LDAH: variants seen among roughly 807,000 people sequenced by gnomAD.
LDAH encodes lipid droplet associated hydrolase.
LDAH carries 26 observed loss-of-function variants against 29.6 expected under a neutral mutation model. The ratio of observed to expected loss-of-function variants is 0.88; its 90% confidence interval spans 0.64 to 1.22. The LOEUF is 1.22. Ranked by LOEUF, LDAH falls within the 50% of genes most tolerant of loss-of-function variation. The pLI, the probability that LDAH is intolerant of heterozygous loss-of-function variation, is 0.00. For synonymous variants in LDAH, 117 were observed against 133.0 expected, an observed-to-expected ratio of 0.88 and a Z score of 0.83; for missense variants, 344 against 387.3, an observed-to-expected ratio of 0.89 and a Z score of 0.94.
Position 20,685,038 on chromosome 2 carries a change from A to C in LDAH, c.*1865T>G. ...CCCTCTCTTGCCCAACACAGAGATC[A>C]GGCCAGACCAGGTCAGAAATGCTGG... On this transcript the variant is annotated 3_prime_UTR_variant, in exon 7 of 7. Transcript: ENST00000237822. The C allele has an allele frequency of 1.6e-6, 2 of 1,266,692 alleles. No homozygotes were observed. Among genetic ancestry groups the C allele is most frequent in the Non-Finnish European group, 2.1e-6 (2 of 948,312 alleles). The allele number at this position is 1,266,692 out of a possible 1,614,324, so 78.5% of individuals were successfully genotyped here.
chr2:20,755,292 TAA>T lies in LDAH; in HGVS notation c.469-15089_469-15088del, dbSNP rs1668267008. The stretch of plus-strand genomic sequence containing the variant: ...CTCTAAGTTTGAAATTATTTCCAAA[TAA>T]AAAGTTTTAAAAATCACTTGCAGTC... On this transcript the variant is annotated intron_variant, in intron 4 of 6. Coordinates refer to ENST00000237822, the MANE Select transcript of LDAH (RefSeq NM_021925.4). Among the ~76,000 whole-genome samples the T allele has an allele frequency of 2.0e-5, 3 of 152,096 alleles. No homozygotes were observed. The South Asian group carries it at 6.2e-4, about 32-fold the overall frequency.
Position 20,739,655 on chromosome 2 carries a change from G to A in LDAH, c.703+316C>T, listed in dbSNP as rs917743480. ...GTAAAGTACTCCCACTAAGCTAACA[G>A]GCACACCAAGGATTCCTGTAGGGAC... On this transcript the variant is annotated intron_variant, in intron 5 of 6. Transcript: ENST00000237822. 6.6e-5 allele frequency among the ~76,000 whole-genome samples: 10 copies of A among 152,264 alleles called. 1 individual carries two copies. The highest frequency in any genetic ancestry group is 2.4e-4 in the African/African-American group (10 of 41,540).
At position 20,684,845 on chromosome 2, in the gene LDAH, C is replaced by T. The variant is rs1212694883; in HGVS notation, c.*2058G>A. 1.3e-6 allele frequency: 2 copies of T among 1,538,074 alleles called. No homozygotes were observed. The highest frequency in any genetic ancestry group is 1.8e-6 in the Non-Finnish European group (2 of 1,141,280). On this transcript the variant is annotated 3_prime_UTR_variant, in exon 7 of 7. Transcript: ENST00000237822. ...AGAGCTGCTTCTGGAAAATGGATTT[C>T]TTCCACTGTTTGTCCATTTTAGTCT...
intron 1 of LDAH, among the ~76,000 whole-genome samples, chr2:20,819,159 G>C (rs544279477): frequency 1.3e-5 from 2 of 152,156 alleles, no homozygotes; most frequent in African/African-American, 4.8e-5. Context: ...AAGGCAATTT[G>C]TTTTGCACAA....
At chr2:20,728,912 T>C (rs951735892) in intron 5 of LDAH, among the ~76,000 whole-genome samples, 1 of 152,234 alleles carries the variant, frequency 6.6e-6, no homozygotes, top group African/African-American at 2.4e-5. Flanking sequence ...AAGGAAAGGA[T>C]GTAAGAAATA....
chr2:20,711,361 G>C (rs929774136), intron 5 of LDAH, among the ~76,000 whole-genome samples: 2 of 151,414 alleles, frequency 1.3e-5, no homozygotes, highest in Non-Finnish European at 2.9e-5. Context: ...CTCTAGCCTC[G>C]GCGACAGAGC....
At chr2:20,754,052 G>A (rs1668141333) in intron 4 of LDAH, among the ~76,000 whole-genome samples, 1 of 152,130 alleles carries the variant, frequency 6.6e-6, no homozygotes, top group African/African-American at 2.4e-5. Context: ...AAGTACTACA[G>A]TTAGAAAATC....
chr2:20,732,893 G>C (rs1180135071), intron 5 of LDAH, among the ~76,000 whole-genome samples: 2 of 143,912 alleles, frequency 1.4e-5, no homozygotes, highest in Non-Finnish European at 3.1e-5. Context: ...TGTAGAGACA[G>C]GGTCTCACTA....
chr2:20,721,553 A>C (rs1034485140), intron 5 of LDAH, among the ~76,000 whole-genome samples: 7 of 152,264 alleles, frequency 4.6e-5, no homozygotes, highest in East Asian at 3.9e-4. Context: ...CATTAAAAAC[A>C]AACCAACAAA....
At chr2:20,712,781 G>C (rs1434192783) in intron 5 of LDAH, among the ~76,000 whole-genome samples, 1 of 152,030 alleles carries the variant, frequency 6.6e-6, no homozygotes, top group Admixed American at 6.6e-5. Flanking sequence ...TGGAAGAAAG[G>C]GTATCAGTGA....
intron 2 of LDAH, among the ~76,000 whole-genome samples, chr2:20,793,623 T>A (rs1671112391): frequency 6.6e-6 from 1 of 152,110 alleles, no homozygotes; most frequent in Non-Finnish European, 1.5e-5. Flanking sequence ...TGATAAGTAA[T>A]TTGGCTTTTA....
chr2:20,814,805 G>A (rs1672741441), intron 1 of LDAH, among the ~76,000 whole-genome samples: 1 of 152,036 alleles, frequency 6.6e-6, no homozygotes, highest in Non-Finnish European at 1.5e-5. Context: ...TACTTTACCT[G>A]TCAGTGAGAT....
At chr2:20,772,798 C>T (rs1468962103) in intron 4 of LDAH, among the ~76,000 whole-genome samples, 1 of 152,190 alleles carries the variant, frequency 6.6e-6, no homozygotes, top group African/African-American at 2.4e-5. Flanking sequence ...CCCCAAATGC[C>T]ACTGCTGAAT....
intron 4 of LDAH, among the ~76,000 whole-genome samples, chr2:20,757,751 AAG>A (rs1668429265): frequency 6.6e-6 from 1 of 152,176 alleles, no homozygotes; most frequent in African/African-American, 2.4e-5. Context: ...GGTTTAATAA[AAG>A]AGAATTCCTT....
intron 5 of LDAH, among the ~76,000 whole-genome samples, chr2:20,719,520 T>C (rs990700081): frequency 9.2e-5 from 14 of 152,194 alleles, no homozygotes; most frequent in African/African-American, 3.4e-4. Flanking sequence ...CAGGACCTGA[T>C]AGAAACACTG....
At chr2:20,693,702 GAA>G (rs1663208069) in intron 6 of LDAH, among the ~76,000 whole-genome samples, 1 of 152,260 alleles carries the variant, frequency 6.6e-6, no homozygotes, top group Non-Finnish European at 1.5e-5. Flanking sequence ...TCCAAATGAA[GAA>G]AGGCACCGAC....
At chr2:20,787,117 A>G (rs1670607865) in intron 3 of LDAH, among the ~76,000 whole-genome samples, 1 of 152,174 alleles carries the variant, frequency 6.6e-6, no homozygotes, top group Admixed American at 6.5e-5. Flanking sequence ...CAAAATCACC[A>G]TTTATGTATT....
At chr2:20,783,263 C>G (rs1670329425) in intron 3 of LDAH, among the ~76,000 whole-genome samples, 1 of 152,044 alleles carries the variant, frequency 6.6e-6, no homozygotes, top group African/African-American at 2.4e-5. Context: ...GTGAATGCTC[C>G]ATGTGTGCTT....
At chr2:20,810,809 G>C (rs1040089207) in intron 1 of LDAH, among the ~76,000 whole-genome samples, 4 of 152,116 alleles carry the variant, frequency 2.6e-5, no homozygotes, top group Non-Finnish European at 5.9e-5. Flanking sequence ...TTAGATCAGT[G>C]GAGGCATTAA....
Sources: gnomAD v4.1 joint callset for allele counts (sites outside exome capture counted in the v4.1 genomes callset) on GRCh38, gnomAD v4.1.1 for gene constraint, MANE v1.5 for transcripts, NCBI Gene and HGNC (gene_info 2026-07-23, HGNC 2026-07-21) for gene names.